Variants in GPC6 observed in about 807,000 individuals in gnomAD.
GPC6 encodes the protein glypican 6.
Under a neutral mutation model 55.2 loss-of-function variants are expected in GPC6, and 14 were observed. The observed-to-expected ratio is 0.25, with a 90% CI of 0.17 to 0.40. The LOEUF is 0.40. Ranked by LOEUF, GPC6 falls within the 10% of genes least tolerant of loss-of-function variation. GPC6 has a pLI of 1.00. For synonymous variants in GPC6, 278 were observed against 259.6 expected, an observed-to-expected ratio of 1.07 and a Z score of -0.68; for missense variants, 641 against 708.5, an observed-to-expected ratio of 0.90 and a Z score of 1.08.
chr13:93,790,015 A>G (rs1885976655), intron 2 of GPC6, among the ~76,000 whole-genome samples: 1 of 152,192 alleles, frequency 6.6e-6, no homozygotes, highest in Non-Finnish European at 1.5e-5. Flanking sequence ...GCTTTATAAA[A>G]TCGGTCAATT....
intron 2 of GPC6, among the ~76,000 whole-genome samples, chr13:93,792,760 G>C (rs1040087051): frequency 6.6e-6 from 1 of 152,194 alleles, no homozygotes; most frequent in African/African-American, 2.4e-5. Context: ...GCATCCTAAG[G>C]ACCTGATAAC....
At chr13:93,882,688 G>T (rs1875069580) in intron 3 of GPC6, among the ~76,000 whole-genome samples, 1 of 152,162 alleles carries the variant, frequency 6.6e-6, no homozygotes, top group African/African-American at 2.4e-5. Flanking sequence ...TTTTTTAAAA[G>T]ATCTGTATCT....
chr13:93,864,466 C>T (rs896824259), intron 3 of GPC6, among the ~76,000 whole-genome samples: 1 of 151,632 alleles, frequency 6.6e-6, no homozygotes, highest in Non-Finnish European at 1.5e-5. Flanking sequence ...GCCTGGTACC[C>T]GCCTTGTGTC....
At chr13:93,339,457 C>T (rs1163485132) in intron 1 of GPC6, among the ~76,000 whole-genome samples, 1 of 151,688 alleles carries the variant, frequency 6.6e-6, no homozygotes, top group Admixed American at 6.6e-5. Context: ...CTCAGAAGCT[C>T]CAGTCAGGTC....
At chr13:93,344,859 A>C (rs1880376248) in intron 1 of GPC6, among the ~76,000 whole-genome samples, 1 of 152,176 alleles carries the variant, frequency 6.6e-6, no homozygotes, top group East Asian at 1.9e-4. Flanking sequence ...CACTTATCAC[A>C]AAAGCCTATT....
intron 8 of GPC6, 23 bp downstream of exon 8, chr13:94,398,664 C>T (rs1881001302): frequency 6.2e-7 from 1 of 1,607,732 alleles, no homozygotes; most frequent in Non-Finnish European, 8.5e-7. Context: ...TTCCCAGCAC[C>T]AGAAATTTTC....
intron 1 of GPC6, among the ~76,000 whole-genome samples, chr13:93,424,602 C>G (rs1453412248): frequency 2.9e-5 from 4 of 136,616 alleles, no homozygotes; most frequent in African/African-American, 1.0e-4. Context: ...ATAGCAAATA[C>G]ATGGTATCAT....
In GPC6 at chr13:94,218,582, T is replaced by G. The variant is rs77061522; in HGVS notation, c.878-67767T>G. Among the ~76,000 whole-genome samples, 1,023 of 152,306 alleles carry G rather than the reference T, an allele frequency of 6.7e-3. 9 individuals carry two copies. Among genetic ancestry groups the G allele is most frequent in the Non-Finnish European group, 0.011 (768 of 68,026 alleles). On this transcript the variant is annotated intron_variant, in intron 4 of 8. Transcript: ENST00000377047. ...TTACAGAGTTTGCAACTCTTTCTGATGTGGGCCTTGCAAAAGTTGTGTCCT... is the reference window on the plus strand; with the variant it reads ...TTACAGAGTTTGCAACTCTTTCTGAGGTGGGCCTTGCAAAAGTTGTGTCCT...
intron 3 of GPC6, among the ~76,000 whole-genome samples, chr13:93,843,530 A>G (rs1366557531): frequency 6.6e-6 from 1 of 152,200 alleles, no homozygotes; most frequent in Admixed American, 6.5e-5. Context: ...AATCTATGTC[A>G]GATTAAAAAC....
intron 4 of GPC6, among the ~76,000 whole-genome samples, chr13:94,094,329 T>G (rs1157819139): frequency 6.6e-6 from 1 of 152,132 alleles, no homozygotes; most frequent in Admixed American, 6.6e-5. Context: ...TAAACAAAAG[T>G]GTATTCATAT....
chr13:93,237,618 GT>G (rs1265067457), intron 1 of GPC6, among the ~76,000 whole-genome samples: 1 of 152,056 alleles, frequency 6.6e-6, no homozygotes, highest in African/African-American at 2.4e-5. Flanking sequence ...TGCTTTTGGA[GT>G]CTTAGTCATA....
intron 4 of GPC6, among the ~76,000 whole-genome samples, chr13:94,180,807 T>TA (rs2138946212): frequency 6.6e-6 from 1 of 152,300 alleles, no homozygotes; most frequent in African/African-American, 2.4e-5. Flanking sequence ...ATCCTTATTG[T>TA]AAATGTATGT....
chr13:93,848,341 C>T (rs528476989), intron 3 of GPC6, among the ~76,000 whole-genome samples: 3 of 152,128 alleles, frequency 2.0e-5, no homozygotes, highest in South Asian at 2.1e-4. Flanking sequence ...TTGTAACTTT[C>T]GTTTTGTGTT....
At chr13:93,887,542 C>A (rs1261060818) in intron 3 of GPC6, among the ~76,000 whole-genome samples, 1 of 152,058 alleles carries the variant, frequency 6.6e-6, no homozygotes, top group Non-Finnish European at 1.5e-5. Context: ...CTCACTAATA[C>A]TAATACCTCT....
At chr13:93,743,547 T>G (rs1884281331) in intron 2 of GPC6, among the ~76,000 whole-genome samples, 1 of 152,094 alleles carries the variant, frequency 6.6e-6, no homozygotes, top group Non-Finnish European at 1.5e-5. Flanking sequence ...TTTCTTTGTT[T>G]ATAGGTTTTT....
chr13:93,784,818 A>T (rs1474325016), intron 2 of GPC6, among the ~76,000 whole-genome samples: 1 of 152,184 alleles, frequency 6.6e-6, no homozygotes, highest in African/African-American at 2.4e-5. Context: ...GTGCCTCAAC[A>T]CATGTACAAA....
chr13:94,071,630 C>T (rs533995169), intron 4 of GPC6, among the ~76,000 whole-genome samples: 1 of 152,304 alleles, frequency 6.6e-6, no homozygotes, highest in African/African-American at 2.4e-5. Flanking sequence ...ATTCATGCAT[C>T]TACAAAACAG....
chr13:94,221,000 G>T (rs914012519), intron 4 of GPC6, among the ~76,000 whole-genome samples: 1 of 152,010 alleles, frequency 6.6e-6, no homozygotes, highest in Non-Finnish European at 1.5e-5. Context: ...TAAGAAGATC[G>T]GTTAGGACCC....
chr13:93,565,075 C>G (rs1876027742), intron 2 of GPC6, among the ~76,000 whole-genome samples: 1 of 152,106 alleles, frequency 6.6e-6, no homozygotes, highest in African/African-American at 2.4e-5. Flanking sequence ...TTGTAATTTG[C>G]CTGCAAGTCT....
Sources: allele counts gnomAD v4.1 joint callset (sites outside exome capture counted in the v4.1 genomes callset), GRCh38; gene constraint gnomAD v4.1.1; transcripts MANE v1.5; gene names NCBI Gene and HGNC (gene_info 2026-07-23, HGNC 2026-07-21).